ARHGEF4: variants seen among roughly 807,000 people sequenced by gnomAD.
ARHGEF4 encodes APC-stimulated guanine nucleotide exchange factor 1.
In ARHGEF4, 119 loss-of-function variants were observed where a neutral mutation model predicts 162.0. The ratio of observed to expected loss-of-function variants is 0.73; its 90% CI spans 0.63 to 0.86. ARHGEF4 has a LOEUF of 0.86. ARHGEF4 is among the 40% of genes least tolerant of loss of function. ARHGEF4 has a pLI of 0.00. For missense variants in ARHGEF4, 2,488 were observed against 2,456.0 expected (o/e 1.01, Z -0.28); for synonymous variants, 1,014 against 979.9 (o/e 1.03, Z -0.65).
intron 5 of ARHGEF4, chr2:131,035,824 C>T: frequency 1.0e-6 from 1 of 985,398 alleles, no homozygotes; most frequent in Non-Finnish European, 1.2e-6. Flanking sequence ...GCTGCCCCCA[C>T]CCTGCACGTC....
intron 4 of ARHGEF4, among the ~76,000 whole-genome samples, chr2:130,986,423 C>T (rs1054409177): frequency 5.9e-5 from 9 of 152,206 alleles, no homozygotes; most frequent in Admixed American, 5.9e-4. Context: ...TCTGGGAGGC[C>T]TCCTTGTGGA....
intron 5 of ARHGEF4, chr2:131,035,884 G>A: frequency 1.0e-6 from 1 of 985,122 alleles, no homozygotes; most frequent in Non-Finnish European, 1.2e-6. Flanking sequence ...GGGAGTAGCT[G>A]GAGGCAGAGC....
chr2:130,877,375 A>C (rs1197609724), intron 1 of ARHGEF4, among the ~76,000 whole-genome samples: 2 of 152,232 alleles, frequency 1.3e-5, no homozygotes, highest in African/African-American at 4.8e-5. Flanking sequence ...ACTTGAGCTA[A>C]TTCACACATG....
At chr2:131,013,478 G>A (rs1349284692) in intron 4 of ARHGEF4, among the ~76,000 whole-genome samples, 1 of 152,168 alleles carries the variant, frequency 6.6e-6, no homozygotes, top group Non-Finnish European at 1.5e-5. Flanking sequence ...CCCAACCCCT[G>A]TAAGCTCAAA....
At chr2:130,908,081 T>C (rs140070001) in intron 1 of ARHGEF4, among the ~76,000 whole-genome samples, 81 of 152,324 alleles carry the variant, frequency 5.3e-4, no homozygotes, top group African/African-American at 1.9e-3. Context: ...TTCCTATCCA[T>C]GAGCATGGAA....
chr2:130,974,645 A>G (rs1290961539), intron 4 of ARHGEF4, among the ~76,000 whole-genome samples: 2 of 145,274 alleles, frequency 1.4e-5, no homozygotes, highest in South Asian at 4.3e-4. Context: ...TATTTTTTGT[A>G]GAGACAGGGT....
chr2:130,951,803 A>C (rs1683976587), intron 4 of ARHGEF4, among the ~76,000 whole-genome samples: 1 of 152,048 alleles, frequency 6.6e-6, no homozygotes, highest in Non-Finnish European at 1.5e-5. Context: ...TAGAACTATT[A>C]CTCCTTTATA....
At chr2:130,885,995 C>T (rs1373976541) in intron 1 of ARHGEF4, among the ~76,000 whole-genome samples, 1 of 152,080 alleles carries the variant, frequency 6.6e-6, no homozygotes, top group Non-Finnish European at 1.5e-5. Flanking sequence ...ACACCCAGCA[C>T]TCTAGAAGCC....
At chr2:130,931,279 G>C (rs937744643) in intron 3 of ARHGEF4, 22 bp downstream of exon 3, 1 of 1,576,648 alleles carries the variant, frequency 6.3e-7, no homozygotes, top group Non-Finnish European at 8.6e-7. Flanking sequence ...CCGGCCAGGA[G>C]TCCTCAGACT....
chr2:131,027,836 C>G, intron 4 of ARHGEF4, 109 bp from the exon 5 acceptor site: 1 of 1,347,826 alleles, frequency 7.4e-7, no homozygotes, highest in Non-Finnish European at 1.0e-6. Flanking sequence ...CACGCTCCCC[C>G]TGCAGAAGAA....
chr2:130,884,291 C>T (rs1055879685), intron 1 of ARHGEF4, among the ~76,000 whole-genome samples: 1 of 151,770 alleles, frequency 6.6e-6, no homozygotes, highest in African/African-American at 2.4e-5. Flanking sequence ...CACAGACACA[C>T]ATAGGCACGT....
Position 130,860,650 on chromosome 2 carries a change from C to T in ARHGEF4, c.39+23658C>T, listed in dbSNP as rs922372572. ...GTGTGAACCCGGGAGGCGAAGCTTG[C>T]GGTGAGCCGAGATCGCGTCACTGCA... On this transcript the variant is annotated intron_variant, in intron 1 of 13. Coordinates refer to ENST00000409359, the MANE Select transcript of ARHGEF4 (RefSeq NM_001367493.1). Among the ~76,000 whole-genome samples, 62 of 118,952 alleles carry T rather than the reference C, an allele frequency of 5.2e-4. 17 individuals are homozygous for T. The highest frequency in any genetic ancestry group is 7.1e-4 in the Non-Finnish European group (44 of 62,406). 78.0% of individuals were successfully genotyped at this position (118,952 alleles called of 152,430 possible).
intron 4 of ARHGEF4, chr2:130,963,570 A>AGGT (rs1684766087): frequency 8.8e-6 from 1 of 113,428 alleles, no homozygotes; most frequent in African/African-American, 3.4e-5. Context: ...GTGCGGACAC[A>AGGT]GGTGGCGGCG....
At chr2:130,967,196 T>C (rs1384083503) in intron 4 of ARHGEF4, among the ~76,000 whole-genome samples, 2 of 152,244 alleles carry the variant, frequency 1.3e-5, no homozygotes, top group Non-Finnish European at 2.9e-5. Flanking sequence ...ACTCCTTGAA[T>C]TTTAAATGCT....
At position 131,041,875 on chromosome 2, in the gene ARHGEF4, C is replaced by T. The variant is rs368883739; in HGVS notation, c.4956C>T (p.Asn1652=). Residue 1652 remains asparagine (N), a synonymous_variant, in exon 10 of 14, where the codon AAC becomes AAT. Transcript: ENST00000409359. ...HAMKNVAQLI[N]ERKRRLENID... ...TGAAGAACGTGGCCCAGCTCATCAA[C>T]GAGCGGAAGCGGAGACTTGAGAACA... The T allele has an allele frequency of 6.2e-6, 10 of 1,613,522 alleles. No homozygotes were observed. The highest frequency in any genetic ancestry group is 2.7e-5 in the African/African-American group (2 of 74,942).
chr2:130,926,014 CTCTT>C (rs1553514612), intron 2 of ARHGEF4, among the ~76,000 whole-genome samples: 1,567 of 97,310 alleles, frequency 0.016, 81 homozygotes, highest in African/African-American at 0.073. Flanking sequence ...TTGGTTTTCT[CTCTT>C]TCTTTCTTTC....
chr2:130,993,426 T>C (rs1033936538), intron 4 of ARHGEF4, among the ~76,000 whole-genome samples: 2 of 152,070 alleles, frequency 1.3e-5, no homozygotes, highest in Non-Finnish European at 2.9e-5. Context: ...GTGTTTCATA[T>C]GTACTTAAAA....
At position 130,916,166 on chromosome 2, in the gene ARHGEF4, G is replaced by A. The variant is rs1329984133; in HGVS notation, c.2220G>A (p.Glu740=). The A allele has an allele frequency of 3.2e-6, 5 of 1,548,850 alleles. No individual in the cohort carries two copies. Among genetic ancestry groups the A allele is most frequent in the South Asian group, 1.2e-5 (1 of 84,004 alleles). Residue 740 remains glutamate (E), a synonymous_variant, in exon 2 of 14, where the codon GAG becomes GAA. Transcript: ENST00000409359. ...EEPPGERLRG[E]SRSSGSGERG... ...CCCCGGGAGAGAGACTGCGTGGGGA[G>A]AGCCGGAGCTCCGGGTCAGGGGAGC...
intron 1 of ARHGEF4, among the ~76,000 whole-genome samples, chr2:130,903,345 C>T (rs1456338086): frequency 6.6e-6 from 1 of 151,574 alleles, no homozygotes; most frequent in African/African-American, 2.4e-5. Flanking sequence ...TGAAACCTCT[C>T]CCTCCCGGGG....
Sources: allele counts gnomAD v4.1 joint callset (sites outside exome capture counted in the v4.1 genomes callset), GRCh38; gene constraint gnomAD v4.1.1; transcripts MANE v1.5; gene names NCBI Gene and HGNC (gene_info 2026-07-23, HGNC 2026-07-21).